Variants in KCND2 observed in about 807,000 individuals in gnomAD.
The protein encoded by KCND2 is A-type voltage-gated potassium channel KCND2.
In KCND2, 16 loss-of-function variants were observed where a neutral mutation model predicts 54.4. That is an observed-to-expected ratio of 0.29 (90% CI 0.20 to 0.45). The LOEUF is 0.45. Among genes scored for constraint, KCND2 ranks in the 20% least tolerant of loss-of-function variants. The probability of loss-of-function intolerance (pLI) is 1.00; values close to 1 mark genes in which losing one functional copy is unlikely to be tolerated. For synonymous variants in KCND2, 317 were observed against 310.7 expected (o/e 1.02, Z -0.21); for missense variants, 486 against 824.2 (o/e 0.59, Z 5.02).
chr7:120,465,515 A>G (rs1802354456), intron 1 of KCND2, among the ~76,000 whole-genome samples: 1 of 152,156 alleles, frequency 6.6e-6, no homozygotes. Flanking sequence ...AAAAAAAAAG[A>G]AACAAAGATC....
intron 1 of KCND2, among the ~76,000 whole-genome samples, chr7:120,730,273 G>A (rs1792788794): frequency 6.6e-6 from 1 of 151,944 alleles, no homozygotes; most frequent in Non-Finnish European, 1.5e-5. Flanking sequence ...ACCTTCTCTG[G>A]GGCTTACTGC....
At chr7:120,670,748 C>G (rs1365197321) in intron 1 of KCND2, among the ~76,000 whole-genome samples, 1 of 151,894 alleles carries the variant, frequency 6.6e-6, no homozygotes, top group Non-Finnish European at 1.5e-5. Context: ...AACCCCGTCT[C>G]TACTAAAAAT....
chr7:120,359,353 T>C (rs1416184430), intron 1 of KCND2, among the ~76,000 whole-genome samples: 1 of 152,160 alleles, frequency 6.6e-6, no homozygotes, highest in African/African-American at 2.4e-5. Context: ...GCCTCTCTGA[T>C]GGCCTTTGAC....
intron 1 of KCND2, among the ~76,000 whole-genome samples, chr7:120,442,562 A>G (rs949057106): frequency 2.6e-5 from 4 of 152,158 alleles, no homozygotes; most frequent in Non-Finnish European, 4.4e-5. Flanking sequence ...ATTATATTTG[A>G]AGCAATATAT....
At chr7:120,559,697 G>T (rs778654433) in intron 1 of KCND2, among the ~76,000 whole-genome samples, 6 of 152,182 alleles carry the variant, frequency 3.9e-5, no homozygotes, top group African/African-American at 7.2e-5. Flanking sequence ...CAATATAATA[G>T]TTTATGCTTT....
intron 1 of KCND2, among the ~76,000 whole-genome samples, chr7:120,417,003 G>A (rs1801533842): frequency 6.6e-6 from 1 of 152,020 alleles, no homozygotes; most frequent in Admixed American, 6.6e-5. Flanking sequence ...GCACCACCAT[G>A]CCCAGCTAAT....
chr7:120,427,375 A>G (rs1801725047), intron 1 of KCND2, among the ~76,000 whole-genome samples: 2 of 152,180 alleles, frequency 1.3e-5, no homozygotes, highest in African/African-American at 4.8e-5. Flanking sequence ...TACCATTCAA[A>G]TATCATTCAG....
intron 1 of KCND2, among the ~76,000 whole-genome samples, chr7:120,528,951 A>C (rs1267215575): frequency 1.3e-5 from 2 of 152,200 alleles, no homozygotes; most frequent in African/African-American, 4.8e-5. Flanking sequence ...CTAGTAACTA[A>C]TACATGATTA....
At chr7:120,281,530 T>C (rs928652946) in intron 1 of KCND2, among the ~76,000 whole-genome samples, 1 of 152,110 alleles carries the variant, frequency 6.6e-6, no homozygotes, top group African/African-American at 2.4e-5. Context: ...AGGCAGCCTT[T>C]ACGTTGACCT....
intron 1 of KCND2, among the ~76,000 whole-genome samples, chr7:120,527,700 AC>A (rs1184446839): frequency 1.3e-5 from 2 of 152,090 alleles, no homozygotes; most frequent in African/African-American, 4.8e-5. Context: ...ATTAAAAAAA[AC>A]AAATAAATAA....
At chr7:120,666,530 A>AT (rs199920527) in intron 1 of KCND2, among the ~76,000 whole-genome samples, 1,905 of 151,880 alleles carry the variant, frequency 0.013, 27 homozygotes, top group Non-Finnish European at 0.018. Flanking sequence ...TCAGATTAGG[A>AT]TTTTTTTTAC....
chr7:120,570,217 G>A (rs1047390124), intron 1 of KCND2, among the ~76,000 whole-genome samples: 1 of 152,022 alleles, frequency 6.6e-6, no homozygotes, highest in Non-Finnish European at 1.5e-5. Flanking sequence ...TAAAATATTT[G>A]TATTTCACAG....
chr7:120,446,090 G>A (rs1398919791), intron 1 of KCND2, among the ~76,000 whole-genome samples: 1 of 152,120 alleles, frequency 6.6e-6, no homozygotes, highest in Admixed American at 6.6e-5. Context: ...TCTAGCCAGT[G>A]CACCCAAGCA....
At chr7:120,546,402 G>T (rs183592595) in intron 1 of KCND2, among the ~76,000 whole-genome samples, 1 of 151,952 alleles carries the variant, frequency 6.6e-6, no homozygotes, top group East Asian at 1.9e-4. Context: ...TTTTTAAAGT[G>T]ACTCACATTT....
intron 1 of KCND2, among the ~76,000 whole-genome samples, chr7:120,562,352 C>T (rs971625157): frequency 3.3e-5 from 5 of 152,132 alleles, no homozygotes; most frequent in South Asian, 2.1e-4. Flanking sequence ...GCATGTTTCA[C>T]GGTATTGACT....
intron 1 of KCND2, among the ~76,000 whole-genome samples, chr7:120,310,293 G>A (rs953415910): frequency 1.3e-5 from 2 of 152,118 alleles, no homozygotes; most frequent in African/African-American, 4.8e-5. Flanking sequence ...AGGATAATAT[G>A]AACAAATACA....
intron 1 of KCND2, among the ~76,000 whole-genome samples, chr7:120,678,557 G>A (rs902078192): frequency 6.2e-5 from 9 of 146,270 alleles, no homozygotes; most frequent in African/African-American, 2.2e-4. Flanking sequence ...GTGTATGTAT[G>A]TAAATGTAAA....
At chr7:120,311,491 A>G (rs1799735412) in intron 1 of KCND2, among the ~76,000 whole-genome samples, 1 of 152,194 alleles carries the variant, frequency 6.6e-6, no homozygotes, top group African/African-American at 2.4e-5. Flanking sequence ...GAGTTTGCAA[A>G]ATGCCTCCTT....
intron 1 of KCND2, among the ~76,000 whole-genome samples, chr7:120,302,056 A>G (rs1799591670): frequency 6.6e-6 from 1 of 152,190 alleles, no homozygotes; most frequent in Admixed American, 6.5e-5. Context: ...TTACTGTGAG[A>G]TCCTATCATC....
Sources: allele counts gnomAD v4.1 joint callset (sites outside exome capture counted in the v4.1 genomes callset), GRCh38; gene constraint gnomAD v4.1.1; transcripts MANE v1.5; gene names NCBI Gene and HGNC (gene_info 2026-07-23, HGNC 2026-07-21).